The following TXNDC12 variants were observed in gnomAD, a reference collection of about 807,000 sequenced individuals.
TXNDC12 encodes the protein thioredoxin domain-containing protein 12.
Under a neutral mutation model 24.2 loss-of-function variants are expected in TXNDC12, and 22 were observed. That is an observed-to-expected ratio of 0.91 (90% CI 0.65 to 1.30). The LOEUF (loss-of-function observed/expected upper bound fraction) is 1.30, where lower values mean the gene tolerates loss of function less well. Among genes scored for constraint, TXNDC12 ranks in the 50% most tolerant of loss-of-function variants. TXNDC12 has a pLI of 0.00. For synonymous variants in TXNDC12, 58 were observed against 73.4 expected, an observed-to-expected ratio of 0.79 and a Z score of 1.07; for missense variants, 184 against 205.8, an observed-to-expected ratio of 0.89 and a Z score of 0.65.
intron 1 of TXNDC12, among the ~76,000 whole-genome samples, chr1:52,046,621 A>C (rs570495826): frequency 1.3e-5 from 2 of 152,222 alleles, no homozygotes; most frequent in East Asian, 3.9e-4. Context: ...CACGCCTGTA[A>C]TCCCAGCACT....
chr1:52,035,656 G>A (rs186113225), intron 2 of TXNDC12, among the ~76,000 whole-genome samples: 5 of 152,256 alleles, frequency 3.3e-5, no homozygotes, highest in Middle Eastern at 6.8e-3. Context: ...AGGTTGCAGT[G>A]AGCCTAGATC....
At chr1:52,052,888 G>A (rs143009316) in intron 1 of TXNDC12, among the ~76,000 whole-genome samples, 1 of 152,124 alleles carries the variant, frequency 6.6e-6, no homozygotes, top group Non-Finnish European at 1.5e-5. Context: ...GAGGAACGGA[G>A]GCTTTGAGAG....
intron 2 of TXNDC12, among the ~76,000 whole-genome samples, chr1:52,035,283 G>C (rs1240250701): frequency 6.6e-6 from 1 of 152,112 alleles, no homozygotes; most frequent in African/African-American, 2.4e-5. Flanking sequence ...TCAAGTCTTG[G>C]CTCCTCCACT....
At chr1:52,022,434 C>T (rs1685611008) in intron 6 of TXNDC12, among the ~76,000 whole-genome samples, 1 of 152,084 alleles carries the variant, frequency 6.6e-6, no homozygotes, top group South Asian at 2.1e-4. Context: ...CTGGAACATG[C>T]TTTTCCCATT....
intron 4 of TXNDC12, among the ~76,000 whole-genome samples, 166 bp downstream of exon 4, chr1:52,027,109 C>A (rs1685682232): frequency 1.3e-5 from 2 of 152,082 alleles, no homozygotes; most frequent in African/African-American, 4.8e-5. Flanking sequence ...TGTTAGATGG[C>A]TTTCTAACAT....
At chr1:52,038,275 G>A (rs1408544084) in intron 2 of TXNDC12, among the ~76,000 whole-genome samples, 1 of 151,284 alleles carries the variant, frequency 6.6e-6, no homozygotes, top group Non-Finnish European at 1.5e-5. Flanking sequence ...GAATTCATCT[G>A]CTGCCTCTTG....
At chr1:52,034,162 T>G in intron 2 of TXNDC12, 1 of 808,414 alleles carries the variant, frequency 1.2e-6, no homozygotes, top group African/African-American at 1.8e-5. Flanking sequence ...TGGCTCTCAG[T>G]AAATGTTTAT....
Position 52,038,588 on chromosome 1 carries a change from G to A in TXNDC12, c.158+2949C>T, listed in dbSNP as rs1006211898. On this transcript the variant is annotated intron_variant, in intron 2 of 6. Transcript: ENST00000371626. ...TGGACTGCCAAAGTGCTGGGATTAC[G>A]GGCAACACTGCGCCCAGCCTGTCTT... 7.2e-5 allele frequency among the ~76,000 whole-genome samples: 11 copies of A among 152,072 alleles called. 1 individual carries two copies. Among genetic ancestry groups the A allele is most frequent in the South Asian group, 4.2e-4 (2 of 4,816 alleles).
At chr1:52,046,144 A>G (rs1051325971) in intron 1 of TXNDC12, among the ~76,000 whole-genome samples, 3 of 151,540 alleles carry the variant, frequency 2.0e-5, no homozygotes, top group African/African-American at 7.3e-5. Flanking sequence ...GCCTGTAGTG[A>G]GCTGTGATTG....
chr1:52,033,519 A>C (rs1348466562), intron 2 of TXNDC12: 1 of 1,613,978 alleles, frequency 6.2e-7, no homozygotes. Context: ...TGATGTAGTT[A>C]AGCGAGTCCA....
At chr1:52,027,404 C>T (rs1235466803) in intron 3 of TXNDC12, 56 bp from the exon 4 acceptor site, 4 of 1,267,384 alleles carry the variant, frequency 3.2e-6, no homozygotes, top group Non-Finnish European at 4.6e-6. Flanking sequence ...ACAACTAAAC[C>T]TTAACGAACA....
At chr1:52,029,338 G>A (rs760609588) in intron 2 of TXNDC12, among the ~76,000 whole-genome samples, 6 of 152,108 alleles carry the variant, frequency 3.9e-5, no homozygotes, top group Non-Finnish European at 8.8e-5. Flanking sequence ...GACTGTGGAT[G>A]TTTTCCTTAC....
At chr1:52,050,620 A>C (rs1045554672) in intron 1 of TXNDC12, among the ~76,000 whole-genome samples, 1 of 152,226 alleles carries the variant, frequency 6.6e-6, no homozygotes, top group Non-Finnish European at 1.5e-5. Context: ...CAAGCCTCTG[A>C]AACAGGGAAC....
intron 2 of TXNDC12, among the ~76,000 whole-genome samples, chr1:52,029,202 C>T (rs1006115227): frequency 1.1e-4 from 17 of 151,950 alleles, no homozygotes; most frequent in African/African-American, 4.1e-4. Context: ...TCATTGGTAG[C>T]TTATATAAAA....
intron 5 of TXNDC12, among the ~76,000 whole-genome samples, 164 bp from the exon 6 acceptor site, chr1:52,023,738 A>G (rs2124357574): frequency 6.6e-6 from 1 of 152,126 alleles, no homozygotes; most frequent in Middle Eastern, 3.4e-3. Flanking sequence ...TTTCTGCTTG[A>G]TGATTTTGAC....
chr1:52,026,397 G>A (rs919394970), intron 4 of TXNDC12, among the ~76,000 whole-genome samples: 22 of 152,064 alleles, frequency 1.4e-4, no homozygotes, highest in African/African-American at 5.3e-4. Flanking sequence ...AGGATTCCAA[G>A]ACCTGCAGCC....
chr1:52,043,249 C>T (rs1231630579), intron 1 of TXNDC12, among the ~76,000 whole-genome samples: 2 of 152,226 alleles, frequency 1.3e-5, no homozygotes, highest in Non-Finnish European at 2.9e-5. Flanking sequence ...CATCACAGCA[C>T]TCCCCAGGCT....
At chr1:52,032,805 A>T in intron 2 of TXNDC12, 1 of 1,614,062 alleles carries the variant, frequency 6.2e-7, no homozygotes, top group Non-Finnish European at 8.5e-7. Flanking sequence ...GACGAAGGCG[A>T]CTCAGTTCTG....
intron 2 of TXNDC12, chr1:52,033,654 G>C: frequency 1.2e-6 from 2 of 1,611,290 alleles, no homozygotes; most frequent in South Asian, 1.1e-5. Flanking sequence ...CAGCTGCGTC[G>C]TCCACCACGT....
Sources: allele counts gnomAD v4.1 joint callset (sites outside exome capture counted in the v4.1 genomes callset), GRCh38; gene constraint gnomAD v4.1.1; transcripts MANE v1.5; gene names NCBI Gene and HGNC (gene_info 2026-07-23, HGNC 2026-07-21).